The following ZSCAN2 variants were observed in gnomAD, a reference collection of about 807,000 sequenced individuals.
The protein encoded by ZSCAN2 is zinc finger and SCAN domain containing 2.
A neutral mutation model predicts 47.8 loss-of-function variants in ZSCAN2; 26 were observed. The observed-to-expected ratio is 0.54, with a 90% CI of 0.40 to 0.75. ZSCAN2 has a LOEUF of 0.75. Ranked by LOEUF, ZSCAN2 falls within the 30% of genes least tolerant of loss-of-function variation. ZSCAN2 has a pLI of 0.00. For synonymous variants in ZSCAN2, 305 were observed against 288.7 expected (o/e 1.06, Z -0.57); for missense variants, 732 against 785.4 (o/e 0.93, Z 0.81).
chr15:84,616,365 C>T (rs2141789761), intron 2 of ZSCAN2: 1 of 1,611,254 alleles, frequency 6.2e-7, no homozygotes. Context: ...GCCTCACCTC[C>T]TTTGCCTCTC....
At chr15:84,611,321 TG>T (rs1828129592) in intron 2 of ZSCAN2, among the ~76,000 whole-genome samples, 1 of 151,742 alleles carries the variant, frequency 6.6e-6, no homozygotes, top group South Asian at 2.1e-4. Context: ...CCAGGCATGG[TG>T]GCACACACCT....
Position 84,601,121 on chromosome 15 carries a change from C to G in ZSCAN2, c.-123C>G, listed in dbSNP as rs1004697229. 3 of 152,502 alleles carry G rather than the reference C, an allele frequency of 2.0e-5. No individual in the cohort carries two copies. Among genetic ancestry groups the G allele is most frequent in the Non-Finnish European group, 4.4e-5 (3 of 68,268 alleles). 9.4% of individuals were successfully genotyped at this position (152,502 alleles called of 1,614,324 possible). On this transcript the variant is annotated 5_prime_UTR_variant, in exon 1 of 3. Transcript: ENST00000546148. ...CGCGAAGCAACCGCTAGAGCAGGAC[C>G]TGGTCTCCCGAGAGGTGAGCCGGAG...
At position 84,622,420 on chromosome 15, in the gene ZSCAN2, A is replaced by T. The variant is rs989491170; in HGVS notation, c.*380A>T. 1.7e-6 allele frequency: 1 copy of T among 596,964 alleles called. No homozygotes were observed. The highest frequency in any genetic ancestry group is 3.0e-6 in the Non-Finnish European group (1 of 329,846). The allele number at this position is 596,964 out of a possible 1,614,324, so 37.0% of individuals were successfully genotyped here. A position where few individuals can be genotyped will look rare whatever the true frequency, so the allele number is the denominator to read the frequency against. On this transcript the variant is annotated 3_prime_UTR_variant, in exon 3 of 3. Coordinates refer to ENST00000546148, the MANE Select transcript of ZSCAN2 (RefSeq NM_181877.4). ...ACGTGGGCCGAGTCCTCAGAGAAAT[A>T]CTGGAAATCATTGGTGTGGTTCTGG...
chr15:84,609,413 C>T (rs1022360078), intron 2 of ZSCAN2, among the ~76,000 whole-genome samples: 1 of 150,888 alleles, frequency 6.6e-6, no homozygotes, highest in Non-Finnish European at 1.5e-5. Context: ...ACCTCGAACT[C>T]TTGGCCTCAA....
In ZSCAN2 at chr15:84,603,804, CTTTT is replaced by C; in HGVS notation, c.-108-13_-108-10del. 1 of 1,209,182 alleles carries C rather than the reference CTTTT, an allele frequency of 8.3e-7. No homozygotes were observed. The highest frequency in any genetic ancestry group is 2.5e-5 in the East Asian group (1 of 40,786). 74.9% of individuals were successfully genotyped at this position (1,209,182 alleles called of 1,614,324 possible). A position where few individuals can be genotyped will look rare whatever the true frequency, so the allele number is the denominator to read the frequency against. On this transcript the variant is annotated splice_polypyrimidine_tract_variant and intron_variant, in intron 1 of 2. Transcript: ENST00000546148. ...CAGTCTACCTATGGATTATGGTTCT[CTTTT>C]TTGTTTCTCAGCGGGACTACTTGTT...
At chr15:84,612,703 C>T (rs975472432) in intron 2 of ZSCAN2, among the ~76,000 whole-genome samples, 2 of 151,912 alleles carry the variant, frequency 1.3e-5, no homozygotes, top group Admixed American at 6.6e-5. Context: ...CCACTGTACT[C>T]CGGCCTGGAA....
chr15:84,617,079 G>A (rs528980222), intron 2 of ZSCAN2, among the ~76,000 whole-genome samples: 5 of 151,572 alleles, frequency 3.3e-5, no homozygotes, highest in African/African-American at 7.3e-5. Flanking sequence ...CCAGGATCGC[G>A]CCACTGCACT....
chr15:84,603,966 G>C lies in ZSCAN2; in HGVS notation c.39G>C (p.Leu13=), dbSNP rs372556238. The part of the protein sequence containing the change: ...AADIPRVTTP[L]SSLVQVPQEE... ...ACATCCCGAGAGTGACCACTCCGCT[G>C]AGCTCCTTGGTCCAGGTGCCTCAAG... is the stretch of plus-strand genomic sequence containing the variant. Residue 13 remains leucine, a synonymous_variant, in exon 2 of 3, where the codon CTG becomes CTC. Coordinates refer to ENST00000546148, the MANE Select transcript of ZSCAN2 (RefSeq NM_181877.4). 5.6e-5 allele frequency: 91 copies of C among 1,613,812 alleles called. No homozygotes were observed. Among genetic ancestry groups the C allele is most frequent in the Non-Finnish European group, 7.7e-5 (91 of 1,180,024 alleles).
intron 1 of ZSCAN2, among the ~76,000 whole-genome samples, 165 bp from the exon 2 acceptor site, chr15:84,603,655 G>T (rs528834162): frequency 1.3e-5 from 2 of 152,232 alleles, no homozygotes; most frequent in South Asian, 4.1e-4. Flanking sequence ...TTTTACCACA[G>T]AGAGATGTTT....
Position 84,621,398 on chromosome 15 carries a change from G to C in ZSCAN2, c.1203G>C (p.Gln401His). The C allele has an allele frequency of 6.2e-7, 1 of 1,613,988 alleles. No homozygotes were observed. The highest frequency in any genetic ancestry group is 8.5e-7 in the Non-Finnish European group (1 of 1,180,000). Residue 401 changes from glutamine to histidine, a missense_variant, in exon 3 of 3, where the codon CAG (glutamine) becomes CAC (histidine). Physicochemically the swap from Gln to His is conservative, Grantham distance 24. This residue lies in a region of ZSCAN2 where 412 missense variants were observed against 498.0 expected (regional missense o/e 0.83). Transcript: ENST00000546148. The surrounding 1 kb of genome is among the most constrained non-coding windows in gnomAD (Gnocchi z 5.7). ...CCGACTGTGGGCAGAGGTTCAGCCA[G>C]AGTTCAGCCCTCATCACCCACCGGA... ...KCTDCGQRFS[Q>H]SSALITHRRT...
In ZSCAN2 at chr15:84,615,963, C is replaced by T. The variant is rs1015986784; in HGVS notation, c.407-4639C>T. Among the ~76,000 whole-genome samples the T allele has an allele frequency of 3.3e-5, 5 of 151,912 alleles. No individual in the cohort carries two copies. The East Asian group carries it at 5.8e-4, about 18-fold the overall frequency. On this transcript the variant is annotated intron_variant, in intron 2 of 2. Transcript: ENST00000546148. The stretch of plus-strand genomic sequence containing the variant: ...TCTCAGTAATAGTAATTCCTTGGGC[C>T]GGGCTCCAGCCTATAATCCCAACAC...
intron 2 of ZSCAN2, among the ~76,000 whole-genome samples, chr15:84,610,319 C>T (rs1895506865): frequency 6.6e-6 from 1 of 152,068 alleles, no homozygotes; most frequent in African/African-American, 2.4e-5. Flanking sequence ...TCTGAAATGA[C>T]ATGTGAGAGA....
At chr15:84,607,104 G>C (rs1895406575) in intron 2 of ZSCAN2, among the ~76,000 whole-genome samples, 1 of 151,932 alleles carries the variant, frequency 6.6e-6, no homozygotes, top group Admixed American at 6.5e-5. Flanking sequence ...TTCTAATGAA[G>C]ATCGGACCTA....
At position 84,622,461 on chromosome 15, in the gene ZSCAN2, G is replaced by C. The variant is rs562019788; in HGVS notation, c.*421G>C. The C allele has an allele frequency of 1.0e-4, 62 of 617,064 alleles. 1 individual carries two copies. In the South Asian group the frequency reaches 1.1e-3, roughly 11 times the overall value. 38.2% of individuals were successfully genotyped at this position (617,064 alleles called of 1,614,324 possible). ...GTGGTTCTGGTTGTTTTGTTGTTTT[G>C]CTGCCACGTTGTTGGGCTAAGGTGC... On this transcript the variant is annotated 3_prime_UTR_variant, in exon 3 of 3. Transcript: ENST00000546148.
chr15:84,610,982 G>A (rs1253830989), intron 2 of ZSCAN2, among the ~76,000 whole-genome samples: 1 of 152,162 alleles, frequency 6.6e-6, no homozygotes, highest in Non-Finnish European at 1.5e-5. Flanking sequence ...ATTTAGAAAT[G>A]AAGAACTAAA....
In ZSCAN2 at chr15:84,622,813, G is replaced by T. The variant is rs1895844948; in HGVS notation, c.*773G>T. ...CTGTCCTGTGGTAGATCAGCTACCA[G>T]GGGAACACATTTGTTCTCGTGGGGT... is the stretch of plus-strand genomic sequence containing the variant. On this transcript the variant is annotated 3_prime_UTR_variant, in exon 3 of 3. Coordinates refer to ENST00000546148, the MANE Select transcript of ZSCAN2 (RefSeq NM_181877.4). 1 of 641,462 alleles carries T rather than the reference G, an allele frequency of 1.6e-6. No homozygotes were observed. The highest frequency in any genetic ancestry group is 2.8e-6 in the Non-Finnish European group (1 of 351,094). 39.7% of individuals were successfully genotyped at this position (641,462 alleles called of 1,614,324 possible). A position where few individuals can be genotyped will look rare whatever the true frequency, so the allele number is the denominator to read the frequency against.
At chr15:84,611,849 A>G (rs1895559093) in intron 2 of ZSCAN2, 1 of 152,074 alleles carries the variant, frequency 6.6e-6, no homozygotes, top group Non-Finnish European at 1.5e-5. Context: ...CCCTACATCT[A>G]CTCATATCCA....
intron 2 of ZSCAN2, among the ~76,000 whole-genome samples, chr15:84,604,844 TCTC>T (rs1390381190): frequency 2.6e-5 from 4 of 151,752 alleles, no homozygotes; most frequent in Non-Finnish European, 5.9e-5. Flanking sequence ...TTCAAGCAGT[TCTC>T]CTGCCTCAGC....
chr15:84,617,019 G>A (rs145615934), intron 2 of ZSCAN2, among the ~76,000 whole-genome samples: 20 of 152,322 alleles, frequency 1.3e-4, no homozygotes, highest in African/African-American at 4.8e-4. Flanking sequence ...TTAATTGGGA[G>A]GCTGAAGCAG....
Sources: allele counts gnomAD v4.1 joint callset (sites outside exome capture counted in the v4.1 genomes callset), GRCh38; gene constraint gnomAD v4.1.1; regional missense constraint gnomAD v4.1.1; non-coding constraint Gnocchi (gnomAD v3.1); transcripts MANE v1.5; gene names NCBI Gene and HGNC (gene_info 2026-07-23, HGNC 2026-07-21).